Variants in GSE1 observed in about 807,000 individuals in gnomAD.
GSE1 encodes the protein Gse1 coiled-coil protein.
In GSE1, 32 loss-of-function variants were observed where a neutral mutation model predicts 112.6. The ratio of observed to expected loss-of-function variants is 0.28; its 90% CI spans 0.21 to 0.38. GSE1 has a LOEUF of 0.38. GSE1 is among the 10% of genes least tolerant of loss of function. The probability of loss-of-function intolerance (pLI) is 1.00; values close to 1 mark genes in which losing one functional copy is unlikely to be tolerated. For missense variants in GSE1, 2,348 were observed against 1,699.2 expected (o/e 1.38, Z -6.71); for synonymous variants, 1,115 against 735.6 (o/e 1.52, Z -8.35).
At chr16:85,633,125 C>T (rs1044513905) in intron 1 of GSE1, among the ~76,000 whole-genome samples, 4 of 152,196 alleles carry the variant, frequency 2.6e-5, no homozygotes, top group Admixed American at 6.5e-5. Flanking sequence ...AGCTGCACCG[C>T]GGTTTGGATT....
At chr16:85,648,198 C>G (rs1486341071) in intron 2 of GSE1, among the ~76,000 whole-genome samples, 1 of 152,142 alleles carries the variant, frequency 6.6e-6, no homozygotes. Context: ...CTACCTTCGT[C>G]TCTCACTCAG....
At chr16:85,273,441 G>T (rs1448881117) in intron 1 of GSE1, among the ~76,000 whole-genome samples, 1 of 152,204 alleles carries the variant, frequency 6.6e-6, no homozygotes, top group Non-Finnish European at 1.5e-5. Flanking sequence ...AACAACATGT[G>T]GCCTCTCCAT....
At chr16:85,555,932 T>G, upstream of GSE1, 1 of 970,998 alleles carries the variant, frequency 1.0e-6, no homozygotes, top group African/African-American at 1.8e-5. Context: ...CCCGCCTGCT[T>G]CCCTCCGCCG....
At chr16:85,400,263 GT>G (rs1567736711) in intron 2 of GSE1, among the ~76,000 whole-genome samples, 41 of 151,428 alleles carry the variant, frequency 2.7e-4, no homozygotes, top group Non-Finnish European at 4.4e-5. Context: ...GTGTGTGTGT[GT>G]GTGTGTGTGT....
intron 1 of GSE1, among the ~76,000 whole-genome samples, chr16:85,219,566 C>T (rs975538099): frequency 6.6e-6 from 1 of 152,222 alleles, no homozygotes; most frequent in African/African-American, 2.4e-5. Context: ...TGAGTACACT[C>T]ACTGCACGGC....
At position 85,668,338 on chromosome 16, in the gene GSE1, A is replaced by G; in HGVS notation, c.3329A>G (p.Glu1110Gly). The G allele has an allele frequency of 6.2e-7, 1 of 1,613,232 alleles. No individual in the cohort carries two copies. Among genetic ancestry groups the G allele is most frequent in the Non-Finnish European group, 8.5e-7 (1 of 1,179,398 alleles). ...GAGGAGGAGGAAGAGGAGGATGATG[A>G]AGATGGAGAAGATGAGGAGGAAGTC... Reference protein sequence around the residue: ...DSEEEEEEDDEDGEDEEEVPK... With the variant: ...DSEEEEEEDDGDGEDEEEVPK... The change falls in exon 14 of 16, where the codon GAA (glutamate) becomes GGA (glycine). Residue 1110 changes from glutamate to glycine, a missense_variant. Coordinates refer to ENST00000253458, the MANE Select transcript of GSE1 (RefSeq NM_014615.5).
At chr16:85,560,569 C>G (rs2045471449) in intron 1 of GSE1, among the ~76,000 whole-genome samples, 1 of 152,086 alleles carries the variant, frequency 6.6e-6, no homozygotes, top group South Asian at 2.1e-4. Context: ...GCAGGGAGAG[C>G]AAGGTGCAGG....
upstream of GSE1, among the ~76,000 whole-genome samples, chr16:85,552,494 G>A (rs928053850): frequency 8.0e-6 from 1 of 124,522 alleles, no homozygotes; most frequent in Non-Finnish European, 1.8e-5. Flanking sequence ...ACCACGCCCG[G>A]CTAATTTTTT....
At chr16:85,554,776 G>A (rs560706990), upstream of GSE1, 12 of 606,738 alleles carry the variant, frequency 2.0e-5, no homozygotes, top group African/African-American at 1.4e-4. Context: ...TGTCAGTCGT[G>A]GGGGGGGAGG....
intron 1 of GSE1, among the ~76,000 whole-genome samples, chr16:85,334,686 A>G (rs1366784753): frequency 6.6e-6 from 1 of 152,108 alleles, no homozygotes; most frequent in Non-Finnish European, 1.5e-5. Flanking sequence ...CTTCCCCCTA[A>G]ATGTGGGGGC....
At chr16:85,493,652 C>G (rs895472834) in intron 2 of GSE1, among the ~76,000 whole-genome samples, 2 of 152,066 alleles carry the variant, frequency 1.3e-5, no homozygotes, top group Non-Finnish European at 2.9e-5. Flanking sequence ...ACTTGGGAGG[C>G]TGAGGCAGGA....
chr16:85,388,420 G>T (rs2047754067), intron 2 of GSE1, among the ~76,000 whole-genome samples: 1 of 121,998 alleles, frequency 8.2e-6, no homozygotes, highest in Non-Finnish European at 1.7e-5. Flanking sequence ...GGATACACAG[G>T]TGGGTGGATG....
rs773929868 is a variant in GSE1, at chr16:85,656,606, G to A, written c.1253G>A (p.Arg418His). ...FLPVAELHGL[R>H]GHATEERGKP... is the part of the protein sequence containing the mutation. ...CCCGTGGCCGAGCTGCATGGGCTGC[G>A]TGGCCATGCCACTGAGGAGCGGGGC... Residue 418 changes from arginine (R) to histidine (H), a missense_variant, in exon 7 of 16, where the codon CGT becomes CAT. By Grantham distance (29) the Arg-to-His change is conservative. Coordinates refer to ENST00000253458, the MANE Select transcript of GSE1 (RefSeq NM_014615.5). 61 of 1,545,900 alleles carry A rather than the reference G, an allele frequency of 3.9e-5. 1 individual carries two copies. Among genetic ancestry groups the A allele is most frequent in the Middle Eastern group, 3.8e-4 (2 of 5,292 alleles).
At chr16:85,332,769 C>T (rs904765473) in intron 1 of GSE1, among the ~76,000 whole-genome samples, 3 of 152,162 alleles carry the variant, frequency 2.0e-5, no homozygotes, top group Admixed American at 6.5e-5. Flanking sequence ...CCCTCTGAAA[C>T]GCCCTTTCTC....
intron 1 of GSE1, among the ~76,000 whole-genome samples, chr16:85,619,353 C>T (rs937381666): frequency 1.3e-5 from 2 of 151,490 alleles, no homozygotes; most frequent in African/African-American, 4.9e-5. Flanking sequence ...TGATGTTGGA[C>T]AGGTTAAGCC....
intron 2 of GSE1, among the ~76,000 whole-genome samples, chr16:85,396,910 C>T (rs1460425945): frequency 1.3e-5 from 2 of 152,192 alleles, no homozygotes; most frequent in African/African-American, 2.4e-5. Flanking sequence ...AAAGAGACAG[C>T]GTGAGATGGT....
chr16:85,628,330 G>A (rs2049252400), intron 1 of GSE1, among the ~76,000 whole-genome samples: 1 of 152,244 alleles, frequency 6.6e-6, no homozygotes, highest in African/African-American at 2.4e-5. Flanking sequence ...TGACACCGGG[G>A]CAGGGATGCT....
intron 2 of GSE1, among the ~76,000 whole-genome samples, chr16:85,465,633 C>T (rs1327025825): frequency 6.6e-6 from 1 of 152,220 alleles, no homozygotes; most frequent in African/African-American, 2.4e-5. Context: ...TTAAATGCCA[C>T]CTCCTCCAAG....
At chr16:85,481,969 G>T (rs186026808) in intron 2 of GSE1, among the ~76,000 whole-genome samples, 3 of 152,270 alleles carry the variant, frequency 2.0e-5, no homozygotes, top group Non-Finnish European at 4.4e-5. Context: ...GGCCCTGGGG[G>T]CAGGGTGGCC....
Sources: gnomAD v4.1 joint callset for allele counts (sites outside exome capture counted in the v4.1 genomes callset) on GRCh38, gnomAD v4.1.1 for gene constraint, MANE v1.5 for transcripts, NCBI Gene and HGNC (gene_info 2026-07-23, HGNC 2026-07-21) for gene names.